TFCP2: variants seen among roughly 807,000 people sequenced by gnomAD.
TFCP2 encodes alpha-globin transcription factor CP2.
Under a neutral mutation model 73.4 loss-of-function variants are expected in TFCP2, and 33 were observed. That is an observed-to-expected ratio of 0.45 (90% CI 0.34 to 0.60). The LOEUF (loss-of-function observed/expected upper bound fraction) is 0.60. Ranked by LOEUF, TFCP2 falls within the 20% of genes least tolerant of loss-of-function variation. The pLI, the probability that TFCP2 is intolerant of heterozygous loss-of-function variation, is 0.01. For synonymous variants in TFCP2, 193 were observed against 211.6 expected (o/e 0.91, Z 0.76); for missense variants, 352 against 604.0 (o/e 0.58, Z 4.37).
intron 1 of TFCP2, among the ~76,000 whole-genome samples, chr12:51,126,851 G>A (rs1361743561): frequency 6.6e-6 from 1 of 152,108 alleles, no homozygotes; most frequent in Non-Finnish European, 1.5e-5. Context: ...AAAATCTCCA[G>A]CAAACAATTG....
chr12:51,126,491 G>A (rs1940822794), intron 1 of TFCP2, among the ~76,000 whole-genome samples: 1 of 152,086 alleles, frequency 6.6e-6, no homozygotes, highest in South Asian at 2.1e-4. Flanking sequence ...AGGCAGCCCT[G>A]AATGGTCTCT....
intron 8 of TFCP2, among the ~76,000 whole-genome samples, chr12:51,104,604 A>G (rs1327805898): frequency 6.6e-6 from 1 of 152,202 alleles, no homozygotes; most frequent in Non-Finnish European, 1.5e-5. Flanking sequence ...AATTTTATCA[A>G]TACATTACTA....
intron 8 of TFCP2, among the ~76,000 whole-genome samples, chr12:51,104,918 T>C (rs1447460798): frequency 1.3e-5 from 2 of 151,842 alleles, no homozygotes; most frequent in Admixed American, 6.6e-5. Flanking sequence ...TTCACTGTGT[T>C]AGCCAGGATG....
chr12:51,129,529 A>C (rs1227200426), intron 1 of TFCP2, among the ~76,000 whole-genome samples: 1 of 151,714 alleles, frequency 6.6e-6, no homozygotes, highest in Admixed American at 6.6e-5. Flanking sequence ...AAAAAAAAAA[A>C]AAAAAAATCT....
At chr12:51,108,987 G>T in intron 6 of TFCP2, 134 bp downstream of exon 6, 2 of 936,292 alleles carry the variant, frequency 2.1e-6, no homozygotes, top group South Asian at 1.9e-5. Context: ...TTATTTCAAT[G>T]ACTCTAGCTT....
intron 4 of TFCP2, among the ~76,000 whole-genome samples, chr12:51,113,848 A>G (rs935793442): frequency 1.3e-5 from 2 of 152,238 alleles, no homozygotes; most frequent in African/African-American, 4.8e-5. Context: ...CTGGGTATCC[A>G]CATGCAAAAG....
At position 51,133,557 on chromosome 12, in the gene TFCP2, C is replaced by T. The variant is rs116068789; in HGVS notation, c.123-14785G>A. On this transcript the variant is annotated intron_variant, in intron 1 of 14. Transcript: ENST00000257915. ...AAATTCCTGGGCTCAAGCAATCTGCCGCCTTGGCCCCACAAAGTGCTGGGA... is the reference window on the plus strand; with the variant it reads ...AAATTCCTGGGCTCAAGCAATCTGCTGCCTTGGCCCCACAAAGTGCTGGGA... 4.5e-3 allele frequency among the ~76,000 whole-genome samples: 682 copies of T among 152,310 alleles called. 5 individuals carry two copies. Among genetic ancestry groups the T allele is most frequent in the African/African-American group, 0.011 (438 of 41,586 alleles).
rs1205957232 is a variant in TFCP2 at position 51,093,669 on chromosome 12, T to C, written c.*1572A>G. ...CACTAAGAAGCATTTTGGTGTAATA[T>C]AACAAGTTGCTCAGGTCAGTTTTAA... is the stretch of plus-strand genomic sequence containing the variant. On this transcript the variant is annotated 3_prime_UTR_variant, in exon 15 of 15. Coordinates refer to ENST00000257915, the MANE Select transcript of TFCP2 (RefSeq NM_005653.5). 1 of 152,156 alleles carries C rather than the reference T, an allele frequency of 6.6e-6. No individual in the cohort carries two copies. The highest frequency in any genetic ancestry group is 1.5e-5 in the Non-Finnish European group (1 of 68,026). 9.4% of individuals were successfully genotyped at this position (152,156 alleles called of 1,614,324 possible). A position where few individuals can be genotyped will look rare whatever the true frequency, so the allele number is the denominator to read the frequency against.
intron 1 of TFCP2, chr12:51,125,145 A>G (rs967812469): frequency 1.4e-6 from 1 of 736,632 alleles, no homozygotes; most frequent in South Asian, 1.4e-5. Flanking sequence ...GCGCAGTGTG[A>G]TATTGACATT....
intron 1 of TFCP2, among the ~76,000 whole-genome samples, chr12:51,159,039 C>A (rs1156842615): frequency 7.6e-5 from 11 of 144,112 alleles, no homozygotes; most frequent in Non-Finnish European, 1.4e-4. Flanking sequence ...ATTAGCCAGG[C>A]GTGGTGGTAG....
chr12:51,169,135 C>T (rs995100347), intron 1 of TFCP2, among the ~76,000 whole-genome samples: 1 of 152,056 alleles, frequency 6.6e-6, no homozygotes, highest in Admixed American at 6.6e-5. Context: ...GTCCAGGTGA[C>T]TCTTATGAAT....
At chr12:51,155,128 ATCAGTACTCCAAGTTCTCCAGCC>A (rs1941511074) in intron 1 of TFCP2, among the ~76,000 whole-genome samples, 1 of 152,162 alleles carries the variant, frequency 6.6e-6, no homozygotes, top group Admixed American at 6.6e-5. Context: ...GCCCTTTGAT[ATCAGTACTCCAAGTTCTCCAGCC>A]TTTGGACCCC....
chr12:51,131,793 A>C (rs1940950361), intron 1 of TFCP2, among the ~76,000 whole-genome samples: 1 of 152,052 alleles, frequency 6.6e-6, no homozygotes, highest in Non-Finnish European at 1.5e-5. Context: ...AAAACCACAC[A>C]CTGATTTTTA....
At chr12:51,113,028 G>C (rs1349624612) in intron 4 of TFCP2, among the ~76,000 whole-genome samples, 1 of 152,106 alleles carries the variant, frequency 6.6e-6, no homozygotes, top group African/African-American at 2.4e-5. Flanking sequence ...AGCATTCCCT[G>C]ATTTCTCCTA....
chr12:51,172,224 C>G (rs183899770), intron 1 of TFCP2, 77 bp downstream of exon 1: 5 of 1,577,226 alleles, frequency 3.2e-6, no homozygotes, highest in South Asian at 1.1e-5. Flanking sequence ...ACACCTCCTT[C>G]CCACTCAACC....
chr12:51,165,800 A>G (rs950018113), intron 1 of TFCP2, among the ~76,000 whole-genome samples: 9 of 152,252 alleles, frequency 5.9e-5, no homozygotes, highest in African/African-American at 1.9e-4. Context: ...ACATACACAC[A>G]TATTCAGCAA....
chr12:51,144,511 A>G (rs966286966), intron 1 of TFCP2, among the ~76,000 whole-genome samples: 1 of 152,226 alleles, frequency 6.6e-6, no homozygotes, highest in African/African-American at 2.4e-5. Flanking sequence ...CAGAACCCAT[A>G]AACTGACCCC....
intron 2 of TFCP2, among the ~76,000 whole-genome samples, chr12:51,118,344 G>A (rs578261157): frequency 3.2e-4 from 48 of 152,262 alleles, no homozygotes; most frequent in African/African-American, 1.1e-3. Flanking sequence ...CATGAGGTCA[G>A]GAGATCGAGA....
Position 51,132,357 on chromosome 12 carries a change from C to CTTTTTTTTTTTTTTTTT in TFCP2, c.123-13602_123-13586dup, listed in dbSNP as rs869123355. ...TGCAAGTTCTGGTTTAGGGATTAGT[C>CTTTTTTTTTTTTTTTTT]TTTTTTTTTTTTTTTTTTTTTTTTT... is the stretch of plus-strand genomic sequence containing the variant. On this transcript the variant is annotated intron_variant, in intron 1 of 14. Coordinates refer to ENST00000257915, the MANE Select transcript of TFCP2 (RefSeq NM_005653.5). Among the ~76,000 whole-genome samples, 16 of 61,790 alleles carry CTTTTTTTTTTTTTTTTT rather than the reference C, an allele frequency of 2.6e-4. 2 individuals carry two copies. Among genetic ancestry groups the CTTTTTTTTTTTTTTTTT allele is most frequent in the African/African-American group, 7.5e-4 (13 of 17,232 alleles). The allele number at this position is 61,790 out of a possible 152,430, so 40.5% of individuals were successfully genotyped here.
Sources: gnomAD v4.1 joint callset for allele counts (sites outside exome capture counted in the v4.1 genomes callset) on GRCh38, gnomAD v4.1.1 for gene constraint, MANE v1.5 for transcripts, NCBI Gene and HGNC (gene_info 2026-07-23, HGNC 2026-07-21) for gene names.